KCTD16: variants seen among roughly 807,000 people sequenced by gnomAD.
KCTD16 encodes BTB/POZ domain-containing protein KCTD16.
KCTD16 carries 13 observed loss-of-function variants against 33.2 expected under a neutral mutation model. The ratio of observed to expected loss-of-function variants is 0.39; its 90% confidence interval spans 0.25 to 0.62. KCTD16 has a LOEUF of 0.62. KCTD16 is among the 20% of genes least tolerant of loss of function. KCTD16 has a pLI of 0.50. For synonymous variants in KCTD16, 197 were observed against 195.3 expected (o/e 1.01, Z -0.07); for missense variants, 441 against 525.1 (o/e 0.84, Z 1.57).
intron 3 of KCTD16, among the ~76,000 whole-genome samples, chr5:144,276,733 G>C (rs896670946): frequency 6.6e-6 from 1 of 152,024 alleles, no homozygotes; most frequent in African/African-American, 2.4e-5. Context: ...GTGAAACCCT[G>C]TCTCTGCTAA....
intron 3 of KCTD16, among the ~76,000 whole-genome samples, chr5:144,343,046 G>C (rs1258769840): frequency 2.6e-5 from 4 of 152,014 alleles, no homozygotes; most frequent in Non-Finnish European, 5.9e-5. Flanking sequence ...TTCTCTTTTT[G>C]GTTGTGTCTC....
At chr5:144,287,856 G>A (rs1359518836) in intron 3 of KCTD16, among the ~76,000 whole-genome samples, 2 of 151,890 alleles carry the variant, frequency 1.3e-5, no homozygotes, top group African/African-American at 2.4e-5. Flanking sequence ...AGCTTGTCTC[G>A]AACTCCTGAC....
At chr5:144,407,354 G>T (rs1752831684) in intron 3 of KCTD16, among the ~76,000 whole-genome samples, 1 of 151,394 alleles carries the variant, frequency 6.6e-6, no homozygotes, top group Non-Finnish European at 1.5e-5. Flanking sequence ...AAAAGTTTGG[G>T]GGTTTGAGTG....
intron 2 of KCTD16, among the ~76,000 whole-genome samples, chr5:144,203,146 C>T (rs985242333): frequency 1.3e-5 from 2 of 151,890 alleles, no homozygotes; most frequent in African/African-American, 2.4e-5. Flanking sequence ...CCTATAAAAC[C>T]CAGACCAATG....
chr5:144,374,345 T>C (rs1752038730), intron 3 of KCTD16, among the ~76,000 whole-genome samples: 1 of 148,286 alleles, frequency 6.7e-6, no homozygotes, highest in African/African-American at 2.7e-5. Context: ...CTAGGTACTC[T>C]GGGATGAAGT....
chr5:144,196,097 A>G lies in KCTD16; in HGVS notation c.-326-10292A>G, dbSNP rs182036689. On this transcript the variant is annotated intron_variant, in intron 2 of 3. Coordinates refer to ENST00000512467, the MANE Select transcript of KCTD16 (RefSeq NM_020768.4). ...ATAGATACACATAAATATTTGAGTA[A>G]ATGAATGATAATAAGAGACATGGCC... is the stretch of plus-strand genomic sequence containing the variant. Among the ~76,000 whole-genome samples, 10 of 152,326 alleles carry G rather than the reference A, an allele frequency of 6.6e-5. No homozygotes were observed. The East Asian group carries it at 1.7e-3, about 26-fold the overall frequency.
At chr5:144,182,880 A>G (rs1752654166) in intron 2 of KCTD16, among the ~76,000 whole-genome samples, 2 of 152,156 alleles carry the variant, frequency 1.3e-5, no homozygotes, top group South Asian at 2.1e-4. Flanking sequence ...TATGTTTGTT[A>G]TTATTATTTC....
chr5:144,299,436 T>C (rs905285830), intron 3 of KCTD16, among the ~76,000 whole-genome samples: 4 of 151,936 alleles, frequency 2.6e-5, no homozygotes, highest in Middle Eastern at 3.2e-3. Flanking sequence ...ACATACTCTC[T>C]ATTTTCTATC....
At chr5:144,289,872 T>A (rs1755846831) in intron 3 of KCTD16, among the ~76,000 whole-genome samples, 1 of 152,114 alleles carries the variant, frequency 6.6e-6, no homozygotes, top group Admixed American at 6.6e-5. Context: ...ATGCATCTTA[T>A]ACCATAAAAT....
At chr5:144,365,368 T>G (rs925659665) in intron 3 of KCTD16, among the ~76,000 whole-genome samples, 3 of 152,172 alleles carry the variant, frequency 2.0e-5, no homozygotes, top group Non-Finnish European at 4.4e-5. Flanking sequence ...ATTTATTTAT[T>G]TATTCAATCA....
intron 2 of KCTD16, among the ~76,000 whole-genome samples, chr5:144,181,541 T>C (rs1207397208): frequency 6.6e-6 from 1 of 152,226 alleles, no homozygotes; most frequent in Non-Finnish European, 1.5e-5. Flanking sequence ...CAGTGGATGA[T>C]TGAATAAAAA....
intron 3 of KCTD16, among the ~76,000 whole-genome samples, chr5:144,213,551 C>T (rs1753467142): frequency 6.6e-6 from 1 of 152,148 alleles, no homozygotes; most frequent in Admixed American, 6.5e-5. Flanking sequence ...AACACACCCT[C>T]CTCAATCCTT....
intron 3 of KCTD16, among the ~76,000 whole-genome samples, chr5:144,351,584 G>A (rs989001672): frequency 2.0e-5 from 3 of 152,108 alleles, no homozygotes. Context: ...ATCAGTAAGT[G>A]GAAGAGATAT....
intron 3 of KCTD16, among the ~76,000 whole-genome samples, chr5:144,381,448 G>A (rs937206353): frequency 6.6e-6 from 1 of 152,172 alleles, no homozygotes; most frequent in African/African-American, 2.4e-5. Flanking sequence ...AAAGAAAAGA[G>A]GTTTTTGGCT....
chr5:144,230,657 C>T (rs1754075165), intron 3 of KCTD16, among the ~76,000 whole-genome samples: 2 of 151,396 alleles, frequency 1.3e-5, no homozygotes, highest in African/African-American at 4.9e-5. Flanking sequence ...CTATGGTTTG[C>T]CTTATGCAGC....
intron 3 of KCTD16, among the ~76,000 whole-genome samples, chr5:144,361,025 G>A (rs1455642370): frequency 2.7e-5 from 4 of 150,782 alleles, no homozygotes; most frequent in Non-Finnish European, 1.5e-5. Context: ...TCTAGCATTA[G>A]GTATATCTCC....
chr5:144,217,108 GT>G (rs1200349581), intron 3 of KCTD16, among the ~76,000 whole-genome samples: 2 of 152,192 alleles, frequency 1.3e-5, no homozygotes, highest in Non-Finnish European at 2.9e-5. Flanking sequence ...TTGGAGAAGA[GT>G]TTCAGAGTTC....
intron 3 of KCTD16, among the ~76,000 whole-genome samples, chr5:144,290,925 A>G (rs146478569): frequency 5.9e-5 from 9 of 152,378 alleles, no homozygotes; most frequent in East Asian, 5.8e-4. Flanking sequence ...TAATTTATTA[A>G]CTTATTTATA....
intron 2 of KCTD16, chr5:144,205,453 G>GGGCCC: frequency 5.0e-6 from 2 of 398,666 alleles, no homozygotes. Context: ...CCGGAGCCCC[G>GGGCCC]GGCCCCCCGC....
Sources: allele counts gnomAD v4.1 joint callset (sites outside exome capture counted in the v4.1 genomes callset), GRCh38; gene constraint gnomAD v4.1.1; transcripts MANE v1.5; gene names NCBI Gene and HGNC (gene_info 2026-07-23, HGNC 2026-07-21).